Variants in CWC27 observed in about 807,000 individuals in gnomAD.
CWC27 encodes the protein CWC27 spliceosome associated cyclophilin, also known as spliceosome-associated protein CWC27 homolog.
A neutral mutation model predicts 63.6 loss-of-function variants in CWC27; 47 were observed. The observed-to-expected ratio is 0.74, with a 90% CI of 0.58 to 0.94. The LOEUF is 0.94. CWC27 is among the 40% of genes least tolerant of loss of function. The pLI is 0.00. For missense variants in CWC27, 495 were observed against 554.3 expected (o/e 0.89, Z 1.07); for synonymous variants, 175 against 179.8 (o/e 0.97, Z 0.22).
intron 1 of CWC27, among the ~76,000 whole-genome samples, chr5:64,772,928 C>G (rs1743319091): frequency 6.6e-6 from 1 of 150,442 alleles, no homozygotes; most frequent in Non-Finnish European, 1.5e-5. Flanking sequence ...CGGGGTGAGA[C>G]TCTGTCTCAA....
chr5:64,876,879 A>G (rs781463670), intron 10 of CWC27, among the ~76,000 whole-genome samples: 2 of 152,086 alleles, frequency 1.3e-5, no homozygotes, highest in African/African-American at 2.4e-5. Context: ...CGCATGTTCA[A>G]AAGCTGCACA....
intron 12 of CWC27, 30 bp from the exon 13 acceptor site, chr5:64,977,105 G>T: frequency 7.7e-7 from 1 of 1,297,452 alleles, no homozygotes. Context: ...ATCTTTATCA[G>T]AAAACTTAGC....
At chr5:65,006,029 T>C (rs1480451500) in intron 13 of CWC27, among the ~76,000 whole-genome samples, 1 of 152,214 alleles carries the variant, frequency 6.6e-6, no homozygotes, top group African/African-American at 2.4e-5. Flanking sequence ...TAGCTTGTTT[T>C]AATTAACTCA....
At chr5:64,965,419 A>T (rs1419723286) in intron 11 of CWC27, among the ~76,000 whole-genome samples, 1 of 152,222 alleles carries the variant, frequency 6.6e-6, no homozygotes, top group Non-Finnish European at 1.5e-5. Flanking sequence ...GTCAGATGAC[A>T]GTTGAGTTAG....
intron 11 of CWC27, among the ~76,000 whole-genome samples, chr5:64,916,565 T>C (rs2112384997): frequency 6.6e-6 from 1 of 152,186 alleles, no homozygotes; most frequent in East Asian, 1.9e-4. Context: ...GTGCAGAAAC[T>C]CTTCTACTAG....
intron 10 of CWC27, among the ~76,000 whole-genome samples, chr5:64,869,680 A>G (rs778601568): frequency 3.9e-5 from 6 of 152,116 alleles, no homozygotes; most frequent in Non-Finnish European, 7.4e-5. Flanking sequence ...GTGCAGATTC[A>G]TGTAGAGCAA....
Position 64,828,705 on chromosome 5 carries a change from A to G in CWC27, c.938+24319A>G, listed in dbSNP as rs568328023. ...AGCTTTTATGAATAGAAGATAAGTGACTTGTTCAAGATTATTTTGTTATTG... is the reference window on the plus strand; with the variant it reads ...AGCTTTTATGAATAGAAGATAAGTGGCTTGTTCAAGATTATTTTGTTATTG... On this transcript the variant is annotated intron_variant, in intron 10 of 13. Coordinates refer to ENST00000381070, the MANE Select transcript of CWC27 (RefSeq NM_005869.4). Among the ~76,000 whole-genome samples, 3 of 152,212 alleles carry G rather than the reference A, an allele frequency of 2.0e-5. No individual in the cohort carries two copies. The South Asian group carries it at 6.2e-4, about 32-fold the overall frequency.
intron 9 of CWC27, among the ~76,000 whole-genome samples, chr5:64,802,578 T>G (rs1481067703): frequency 6.6e-6 from 1 of 152,108 alleles, no homozygotes; most frequent in Non-Finnish European, 1.5e-5. Flanking sequence ...GAGCTTGATA[T>G]AAGACCACAG....
chr5:64,860,397 T>G (rs1460894216), intron 10 of CWC27, among the ~76,000 whole-genome samples: 5 of 152,210 alleles, frequency 3.3e-5, no homozygotes, highest in African/African-American at 1.2e-4. Context: ...CCCCGACTGT[T>G]GGGGCTAAGT....
chr5:64,952,498 T>A (rs898283240), intron 11 of CWC27, among the ~76,000 whole-genome samples: 2 of 151,952 alleles, frequency 1.3e-5, no homozygotes, highest in African/African-American at 4.8e-5. Context: ...GTATACAACA[T>A]GAACAAAAGC....
chr5:64,968,031 A>G (rs1008386294), intron 11 of CWC27, among the ~76,000 whole-genome samples: 1 of 152,082 alleles, frequency 6.6e-6, no homozygotes, highest in Non-Finnish European at 1.5e-5. Flanking sequence ...AAGGACTTGT[A>G]TCCAGAATAT....
intron 11 of CWC27, among the ~76,000 whole-genome samples, chr5:64,902,697 C>T (rs778992023): frequency 2.6e-5 from 4 of 152,038 alleles, no homozygotes; most frequent in African/African-American, 4.8e-5. Context: ...GTCTGTTCTA[C>T]GTCATATGCA....
chr5:64,967,112 T>C (rs1269676326), intron 11 of CWC27, among the ~76,000 whole-genome samples: 1 of 152,088 alleles, frequency 6.6e-6, no homozygotes, highest in East Asian at 1.9e-4. Context: ...GCTTCTAGTA[T>C]ATCAGCCAGT....
At chr5:64,860,366 T>C (rs1746367139) in intron 10 of CWC27, among the ~76,000 whole-genome samples, 2 of 152,296 alleles carry the variant, frequency 1.3e-5, no homozygotes, top group South Asian at 2.1e-4. Context: ...TCTCTATCTG[T>C]CTAAACAAAG....
chr5:64,769,892 T>C (rs986376962), intron 1 of CWC27, among the ~76,000 whole-genome samples: 5 of 152,234 alleles, frequency 3.3e-5, no homozygotes, highest in Admixed American at 6.5e-5. Context: ...TGATGGCTAA[T>C]GTATGCCAAT....
At chr5:65,017,065 TA>T (rs1750060738) in intron 13 of CWC27, among the ~76,000 whole-genome samples, 1 of 152,164 alleles carries the variant, frequency 6.6e-6, no homozygotes, top group South Asian at 2.1e-4. Context: ...CTCACACCTG[TA>T]ATCCCAGCAC....
At chr5:64,947,649 T>C (rs1748614982) in intron 11 of CWC27, among the ~76,000 whole-genome samples, 1 of 152,136 alleles carries the variant, frequency 6.6e-6, no homozygotes, top group South Asian at 2.1e-4. Flanking sequence ...CAAAATGTTA[T>C]ATGGCATGCT....
intron 2 of CWC27, among the ~76,000 whole-genome samples, chr5:64,778,451 G>A (rs1303425688): frequency 6.6e-6 from 1 of 152,014 alleles, no homozygotes; most frequent in Non-Finnish European, 1.5e-5. Flanking sequence ...TGCTTATTAT[G>A]GGTCTAGATG....
chr5:64,837,355 C>T (rs1340388804), intron 10 of CWC27, among the ~76,000 whole-genome samples: 1 of 152,020 alleles, frequency 6.6e-6, no homozygotes, highest in African/African-American at 2.4e-5. Flanking sequence ...AGATGTTAAG[C>T]TCTTCAATAG....
Sources: gnomAD v4.1 joint callset for allele counts (sites outside exome capture counted in the v4.1 genomes callset) on GRCh38, gnomAD v4.1.1 for gene constraint, MANE v1.5 for transcripts, NCBI Gene and HGNC (gene_info 2026-07-23, HGNC 2026-07-21) for gene names.